Variants in NUP93 observed in about 807,000 individuals in gnomAD.
NUP93 encodes nuclear pore complex protein Nup93.
In NUP93, 55 loss-of-function variants were observed where a neutral mutation model predicts 107.8. The ratio of observed to expected loss-of-function variants is 0.51; its 90% confidence interval spans 0.41 to 0.64. NUP93 has a LOEUF of 0.64. Among genes scored for constraint, NUP93 ranks in the 30% least tolerant of loss-of-function variants. The probability of loss-of-function intolerance (pLI) is 0.00; values close to 1 mark genes in which losing one functional copy is unlikely to be tolerated. For synonymous variants in NUP93, 390 were observed against 397.5 expected (o/e 0.98, Z 0.22); for missense variants, 937 against 1,044.7 (o/e 0.90, Z 1.42).
At chr16:56,832,224 C>T in intron 11 of NUP93, 71 bp from the exon 12 acceptor site, 1 of 1,357,542 alleles carries the variant, frequency 7.4e-7, no homozygotes, top group Non-Finnish European at 1.1e-6. Context: ...GGCTGCTGAA[C>T]AGCTACAACT....
rs952999965 is a variant in NUP93 at position 56,849,572 on chromosome 16, C to G, written c.*4963C>G. 6.6e-6 allele frequency: 1 copy of G among 152,274 alleles called. No homozygotes were observed. Among genetic ancestry groups the G allele is most frequent in the Non-Finnish European group, 1.5e-5 (1 of 68,086 alleles). 9.4% of individuals were successfully genotyped at this position (152,274 alleles called of 1,614,324 possible). A position where few individuals can be genotyped will look rare whatever the true frequency, so the allele number is the denominator to read the frequency against. ...AGCAGACCTGGCCTAGGCAGGCTTT[C>G]AGGTGGCACCCAGGGGCTTTATGGC... On this transcript the variant is annotated 3_prime_UTR_variant, in exon 22 of 22. Transcript: ENST00000308159.
chr16:56,843,151 T>A (rs1195520429), intron 21 of NUP93, among the ~76,000 whole-genome samples: 1 of 152,228 alleles, frequency 6.6e-6, no homozygotes, highest in Non-Finnish European at 1.5e-5. Flanking sequence ...CACCAGAGCA[T>A]TTGCTGGTCT....
chr16:56,844,544 A>G lies in NUP93; in HGVS notation c.2395A>G (p.Ile799Val). 6.4e-7 allele frequency: 1 copy of G among 1,570,494 alleles called. No homozygotes were observed. The highest frequency in any genetic ancestry group is 1.9e-5 in the Admixed American group (1 of 53,504). Reference sequence around the variant, plus strand: ...CACTCTGATTACCTTTGCTGGAATGATACCATACCGAACGTCTGGGGACAC... The same window carrying G: ...CACTCTGATTACCTTTGCTGGAATGGTACCATACCGAACGTCTGGGGACAC... ...ARTLITFAGMIPYRTSGDTNA... is the reference protein window; with the variant it reads ...ARTLITFAGMVPYRTSGDTNA... Residue 799 changes from isoleucine to valine, a missense_variant, in exon 22 of 22, where the codon ATA (isoleucine) becomes GTA (valine). Transcript: ENST00000308159.
chr16:56,730,419 G>A (rs1253441847), intron 1 of NUP93, among the ~76,000 whole-genome samples: 2 of 152,128 alleles, frequency 1.3e-5, no homozygotes, highest in Non-Finnish European at 2.9e-5. Flanking sequence ...CATCCCTGGG[G>A]GTGCCTTTCA....
rs1186756934 is a variant in NUP93, at chr16:56,845,404, C to A, written c.*795C>A. ...TTCCCTTCTCTGGTGGTCAGTTCCT[C>A]TGCTCAGACGACCCCCTTCCCCACT... On this transcript the variant is annotated 3_prime_UTR_variant, in exon 22 of 22. Transcript: ENST00000308159. 6.6e-6 allele frequency: 1 copy of A among 152,314 alleles called. No homozygotes were observed. Among genetic ancestry groups the A allele is most frequent in the African/African-American group, 2.4e-5 (1 of 41,444 alleles). The allele number at this position is 152,314 out of a possible 1,614,324, so 9.4% of individuals were successfully genotyped here.
intron 8 of NUP93, among the ~76,000 whole-genome samples, chr16:56,828,101 G>T (rs1009815563): frequency 3.3e-5 from 5 of 150,138 alleles, no homozygotes; most frequent in Non-Finnish European, 1.5e-5. Flanking sequence ...CAGCCTGGGC[G>T]ACTAGAGTGA....
At chr16:56,839,135 A>G (rs1334052075) in intron 19 of NUP93, 66 bp downstream of exon 19, 2 of 1,106,392 alleles carry the variant, frequency 1.8e-6, no homozygotes, top group East Asian at 5.0e-5. Flanking sequence ...AAAACACTTC[A>G]TGGAATTTAC....
intron 2 of NUP93, among the ~76,000 whole-genome samples, chr16:56,749,946 G>A (rs1357494667): frequency 6.6e-6 from 1 of 152,162 alleles, no homozygotes; most frequent in Non-Finnish European, 1.5e-5. Context: ...TTCCCTGCAG[G>A]CTCCTTACCT....
At chr16:56,788,543 C>T (rs1310595450) in intron 3 of NUP93, among the ~76,000 whole-genome samples, 7 of 152,250 alleles carry the variant, frequency 4.6e-5, no homozygotes, top group Non-Finnish European at 1.0e-4. Flanking sequence ...CTTGTTTGCA[C>T]TCCATACGGA....
At chr16:56,800,256 A>G (rs1962991909) in intron 4 of NUP93, among the ~76,000 whole-genome samples, 1 of 152,344 alleles carries the variant, frequency 6.6e-6, no homozygotes, top group South Asian at 2.1e-4. Flanking sequence ...AGATACAGAG[A>G]AATTCACTTG....
At position 56,830,693 on chromosome 16, in the gene NUP93, G is replaced by T; in HGVS notation, c.1085+8G>T. 2.6e-6 allele frequency: 4 copies of T among 1,552,674 alleles called. No individual in the cohort carries two copies. Among genetic ancestry groups the T allele is most frequent in the Non-Finnish European group, 3.5e-6 (4 of 1,137,654 alleles). On this transcript the variant is annotated splice_region_variant and intron_variant, in intron 10 of 21. Transcript: ENST00000308159. ...GAACAGCAAGGACAGAAGGTATGGT[G>T]AATGAGGTGGCACGCCCAGGGGCAG...
intron 21 of NUP93, among the ~76,000 whole-genome samples, chr16:56,843,106 G>A (rs1370344901): frequency 6.6e-6 from 1 of 152,218 alleles, no homozygotes; most frequent in African/African-American, 2.4e-5. Flanking sequence ...GTGCTCAAGA[G>A]TGGTCCACTG....
chr16:56,793,063 G>A (rs1962804768), intron 3 of NUP93, among the ~76,000 whole-genome samples: 1 of 152,196 alleles, frequency 6.6e-6, no homozygotes, highest in African/African-American at 2.4e-5. Context: ...TATTGTTAAA[G>A]GATTAGCAAT....
intron 1 of NUP93, among the ~76,000 whole-genome samples, chr16:56,742,581 A>G (rs1277274431): frequency 3.3e-5 from 5 of 152,232 alleles, no homozygotes; most frequent in Non-Finnish European, 7.3e-5. Flanking sequence ...CCTGGCCTAC[A>G]AAGCCCGAAC....
chr16:56,750,910 G>GC (rs1208336712), intron 2 of NUP93, among the ~76,000 whole-genome samples: 2 of 152,172 alleles, frequency 1.3e-5, no homozygotes, highest in African/African-American at 4.8e-5. Flanking sequence ...TGTGACCCCA[G>GC]CACTTTGGGA....
chr16:56,826,692 CTTG>C (rs1433203123), intron 8 of NUP93, among the ~76,000 whole-genome samples: 2 of 151,914 alleles, frequency 1.3e-5, no homozygotes, highest in Non-Finnish European at 2.9e-5. Flanking sequence ...CTCCTATTAC[CTTG>C]TTGTATTTCT....
rs1035716180 is a variant in NUP93 at position 56,836,803 on chromosome 16, T to C, written c.1899+86T>C. On this transcript the variant is annotated intron_variant, in intron 17 of 21. Coordinates refer to ENST00000308159, the MANE Select transcript of NUP93 (RefSeq NM_014669.5). The stretch of plus-strand genomic sequence containing the variant: ...ATGTGCAGCCACTTGGACAGTGTCA[T>C]TGTTGTAGCACCCTCCCTGCAGAGG... The C allele has an allele frequency of 1.2e-4, 99 of 823,568 alleles. No individual in the cohort carries two copies. The Admixed American group carries it at 1.9e-3, about 16-fold the overall frequency. 51.0% of individuals were successfully genotyped at this position (823,568 alleles called of 1,614,324 possible).
chr16:56,842,739 G>A (rs1964051412), intron 21 of NUP93: 2 of 369,310 alleles, frequency 5.4e-6, no homozygotes, highest in South Asian at 4.1e-5. Context: ...TTTATATAGA[G>A]ATGGAATTTT....
At chr16:56,817,180 A>T (rs370285737) in intron 5 of NUP93, among the ~76,000 whole-genome samples, 156 of 152,308 alleles carry the variant, frequency 1.0e-3, no homozygotes, top group Middle Eastern at 3.4e-3. Flanking sequence ...CACCTAGGAT[A>T]GCCCCTTCAT....
Sources: allele counts gnomAD v4.1 joint callset (sites outside exome capture counted in the v4.1 genomes callset), GRCh38; gene constraint gnomAD v4.1.1; transcripts MANE v1.5; gene names NCBI Gene and HGNC (gene_info 2026-07-23, HGNC 2026-07-21).